Variants in CYP11A1 observed in about 807,000 individuals in gnomAD.
The protein encoded by CYP11A1 is cytochrome P450 family 11 subfamily A member 1, also known as cholesterol side-chain cleavage enzyme, mitochondrial.
In CYP11A1, 25 loss-of-function variants were observed where a neutral mutation model predicts 51.9. That is an observed-to-expected ratio of 0.48 (90% CI 0.35 to 0.67). The LOEUF is 0.67. Among genes scored for constraint, CYP11A1 ranks in the 30% least tolerant of loss-of-function variants. The pLI is 0.00. For missense variants in CYP11A1, 578 were observed against 680.9 expected, an observed-to-expected ratio of 0.85 and a Z score of 1.68; for synonymous variants, 245 against 262.1, an observed-to-expected ratio of 0.93 and a Z score of 0.63.
intron 1 of CYP11A1, among the ~76,000 whole-genome samples, chr15:74,357,692 G>C (rs1178464319): frequency 6.6e-6 from 1 of 152,176 alleles, no homozygotes; most frequent in Non-Finnish European, 1.5e-5. Flanking sequence ...TGTGCGGTCA[G>C]AATTCTTACA....
Position 74,343,914 on chromosome 15 carries a change from T to A in CYP11A1, c.704A>T (p.Asp235Val). The A allele has an allele frequency of 6.2e-7, 1 of 1,614,158 alleles. No individual in the cohort carries two copies. Among genetic ancestry groups the A allele is most frequent in the Non-Finnish European group, 8.5e-7 (1 of 1,180,032 alleles). The change falls in exon 4 of 9, where the codon GAT becomes GTT. Residue 235 changes from aspartate (D) to valine (V), a missense_variant. Physicochemically the swap from Asp to Val is radical, Grantham distance 152. Transcript: ENST00000268053. Reference sequence around the variant, plus strand: ...GGTGTGGAACATCTGGTAGATGGCATCAATGAATCGCTGGGCCTCGGGGTT... The same window carrying A: ...GGTGTGGAACATCTGGTAGATGGCAACAATGAATCGCTGGGCCTCGGGGTT... ...VVNPEAQRFIDAIYQMFHTSV... is the reference protein window; with the variant it reads ...VVNPEAQRFIVAIYQMFHTSV...
At chr15:74,352,643 A>C (rs2060661318) in intron 1 of CYP11A1, among the ~76,000 whole-genome samples, 1 of 152,178 alleles carries the variant, frequency 6.6e-6, no homozygotes, top group Non-Finnish European at 1.5e-5. Flanking sequence ...AGTCTCACTG[A>C]GATAAATGCA....
chr15:74,347,916 TG>T lies in CYP11A1; in HGVS notation c.408del (p.Ile137Ter). 6.2e-7 allele frequency: 1 copy of T among 1,614,152 alleles called. No individual in the cohort carries two copies. Among genetic ancestry groups the T allele is most frequent in the Middle Eastern group, 1.7e-4 (1 of 6,058 alleles). ...WVAYHQYYQR[P>X]IGVLLKKSAA... is the part of the protein sequence containing the mutation. ...AGGACTCACTTCAACAGGACTCCTA[TG>T]GGTCTCTGGTAATACTGGTGATAGG... On this transcript the variant is annotated frameshift_variant, in exon 2 of 9. Transcript: ENST00000268053. LOFTEE classifies it high-confidence loss of function.
intron 1 of CYP11A1, among the ~76,000 whole-genome samples, chr15:74,351,728 A>G (rs1301682487): frequency 6.6e-6 from 1 of 152,160 alleles, no homozygotes; most frequent in Non-Finnish European, 1.5e-5. Flanking sequence ...TGGCCCCAAC[A>G]TTGTTTGGAA....
rs76686667 is a variant in CYP11A1 at position 74,338,423 on chromosome 15, G to A, written c.1434+148C>T. 8.1e-5 allele frequency: 69 copies of A among 848,582 alleles called. No homozygotes were observed. In the East Asian group the frequency reaches 1.8e-3, roughly 22 times the overall value. 52.6% of individuals were successfully genotyped at this position (848,582 alleles called of 1,614,324 possible). A position where few individuals can be genotyped will look rare whatever the true frequency, so the allele number is the denominator to read the frequency against. ...GAAAGAGGGGGCAGCAGAGAACTGT[G>A]GGAGAGAGCGAGAGCAAGTAACTGG... is the stretch of plus-strand genomic sequence containing the variant. On this transcript the variant is annotated intron_variant, in intron 8 of 8. Transcript: ENST00000268053.
chr15:74,359,687 T>C (rs2141244652), intron 1 of CYP11A1: 1 of 152,304 alleles, frequency 6.6e-6, no homozygotes, highest in East Asian at 1.9e-4. Flanking sequence ...CTTCGCTGAC[T>C]CTCTTTACGG....
Position 74,338,060 on chromosome 15 carries a change from A to T in CYP11A1, c.1478T>A (p.Val493Glu), listed in dbSNP as rs775664050. 1.2e-6 allele frequency: 2 copies of T among 1,614,180 alleles called. No individual in the cohort carries two copies. The highest frequency in any genetic ancestry group is 2.2e-5 in the South Asian group (2 of 91,080). The part of the protein sequence containing the change: ...FRVEIQHLSD[V>E]GTTFNLILMP... The stretch of plus-strand genomic sequence containing the variant: ...CAGAATGAGGTTGAATGTGGTGCCC[A>T]CATCGCTGAGGTGTTGGATTTCAAC... The change falls in exon 9 of 9, where the codon GTG becomes GAG. Residue 493 changes from valine (V) to glutamate (E), a missense_variant. Coordinates refer to ENST00000268053, the MANE Select transcript of CYP11A1 (RefSeq NM_000781.3).
At chr15:74,366,759 A>C (rs1485173081) in intron 1 of CYP11A1, 2 of 153,880 alleles carry the variant, frequency 1.3e-5, no homozygotes, top group Non-Finnish European at 2.9e-5. Flanking sequence ...TCTGTCGCCC[A>C]GGCTGGATTG....
At position 74,367,629 on chromosome 15, in the gene CYP11A1, G is replaced by A; in HGVS notation, c.-44C>T. On this transcript the variant is annotated 5_prime_UTR_variant, in exon 1 of 9. Coordinates refer to ENST00000268053, the MANE Select transcript of CYP11A1 (RefSeq NM_000781.3). ...ACTGTACCTGCTCCACTTCAGCGGG[G>A]ACTGCTAGGATGACTGTAGCCCTGG... The A allele has an allele frequency of 6.2e-7, 1 of 1,602,256 alleles. No homozygotes were observed. The highest frequency in any genetic ancestry group is 8.5e-7 in the Non-Finnish European group (1 of 1,175,302).
At chr15:74,341,606 G>A (rs1329113578) in intron 5 of CYP11A1, among the ~76,000 whole-genome samples, 2 of 152,162 alleles carry the variant, frequency 1.3e-5, no homozygotes, top group Non-Finnish European at 2.9e-5. Context: ...GTCAGTGGCA[G>A]GTGCTTGCCT....
At chr15:74,357,429 C>T (rs1215959008) in intron 1 of CYP11A1, among the ~76,000 whole-genome samples, 1 of 152,202 alleles carries the variant, frequency 6.6e-6, no homozygotes, top group Non-Finnish European at 1.5e-5. Flanking sequence ...CAAACCCTAA[C>T]CCCTTCTACA....
At position 74,338,765 on chromosome 15, in the gene CYP11A1, G is replaced by A. The variant is rs760627282; in HGVS notation, c.1240C>T (p.Leu414=). The A allele has an allele frequency of 3.1e-6, 5 of 1,614,078 alleles. No homozygotes were observed. In the Admixed American group the frequency reaches 5.0e-5, roughly 16 times the overall value. The part of the protein sequence containing the change: ...LRDYMIPAKT[L]VQVAIYALGR... Reference sequence around the variant, plus strand: ...AGAGCATAGATGGCCACTTGCACCAGTGTCTGGGGCAAGGTGATCAGAGGC... The same window carrying A: ...AGAGCATAGATGGCCACTTGCACCAATGTCTGGGGCAAGGTGATCAGAGGC... Residue 414 remains leucine (L), a synonymous_variant, in exon 8 of 9, where the codon CTG becomes TTG. Coordinates refer to ENST00000268053, the MANE Select transcript of CYP11A1 (RefSeq NM_000781.3).
At chr15:74,343,207 G>T in intron 4 of CYP11A1, 70 bp from the exon 5 acceptor site, 2 of 1,545,766 alleles carry the variant, frequency 1.3e-6, no homozygotes, top group South Asian at 2.2e-5. Context: ...GCAGTCTGTG[G>T]TGAAAGGTGG....
At chr15:74,351,062 A>T (rs1281854223) in intron 1 of CYP11A1, 1 of 152,170 alleles carries the variant, frequency 6.6e-6, no homozygotes, top group Admixed American at 6.5e-5. Context: ...CACGGAGACA[A>T]CTGCAGGTTT....
chr15:74,350,753 C>A (rs1024395168), intron 1 of CYP11A1: 26 of 152,316 alleles, frequency 1.7e-4, no homozygotes, highest in African/African-American at 6.3e-4. Context: ...ATTCTGTTAA[C>A]GGGGCCCCTG....
chr15:74,339,489 T>C, intron 6 of CYP11A1, 98 bp downstream of exon 6: 1 of 1,527,582 alleles, frequency 6.5e-7, no homozygotes, highest in Non-Finnish European at 9.0e-7. Context: ...GCTTCCAACC[T>C]CCTCCACCAG....
intron 1 of CYP11A1, 165 bp downstream of exon 1, chr15:74,367,152 C>T (rs187296538): frequency 3.7e-4 from 254 of 682,926 alleles, no homozygotes; most frequent in Non-Finnish European, 5.7e-4. Context: ...TTGAAATATC[C>T]CTGATATATT....
chr15:74,366,072 T>C, intron 1 of CYP11A1: 2 of 985,442 alleles, frequency 2.0e-6, no homozygotes, highest in Non-Finnish European at 2.4e-6. Context: ...GGGCTCGGGC[T>C]GTGTCGAGGG....
intron 2 of CYP11A1, among the ~76,000 whole-genome samples, chr15:74,346,373 AG>A (rs567399301): frequency 0.015 from 1,926 of 130,760 alleles, 84 homozygotes; most frequent in African/African-American, 0.05. Flanking sequence ...AAAAAAAAAA[AG>A]AAAGAAAGAA....
Sources: allele counts gnomAD v4.1 joint callset (sites outside exome capture counted in the v4.1 genomes callset), GRCh38; gene constraint gnomAD v4.1.1; transcripts MANE v1.5; gene names NCBI Gene and HGNC (gene_info 2026-07-23, HGNC 2026-07-21).